RASAL2: variants seen among roughly 807,000 people sequenced by gnomAD.
RASAL2 encodes the protein RAS protein activator like 2.
RASAL2 carries 58 observed loss-of-function variants against 128.9 expected under a neutral mutation model. The observed-to-expected ratio is 0.45, with a 90% CI of 0.36 to 0.56. The LOEUF is 0.56. Ranked by LOEUF, RASAL2 falls within the 20% of genes least tolerant of loss-of-function variation. The pLI, the probability that RASAL2 is intolerant of heterozygous loss-of-function variation, is 0.00. For synonymous variants in RASAL2, 561 were observed against 580.8 expected (o/e 0.97, Z 0.49); for missense variants, 1,360 against 1,601.6 (o/e 0.85, Z 2.57).
intron 1 of RASAL2, among the ~76,000 whole-genome samples, chr1:178,159,727 G>A (rs1255420038): frequency 6.6e-6 from 1 of 152,062 alleles, no homozygotes; most frequent in Non-Finnish European, 1.5e-5. Flanking sequence ...TTGGAAGTTT[G>A]AGACCAGCCT....
At chr1:178,401,782 G>C (rs1034029193) in intron 4 of RASAL2, among the ~76,000 whole-genome samples, 6 of 152,224 alleles carry the variant, frequency 3.9e-5, no homozygotes, top group Non-Finnish European at 7.3e-5. Context: ...TGCAGTCAGT[G>C]AGACTGTTAC....
intron 1 of RASAL2, among the ~76,000 whole-genome samples, chr1:178,272,622 T>C (rs143744885): frequency 1.3e-5 from 2 of 152,264 alleles, no homozygotes; most frequent in African/African-American, 4.8e-5. Flanking sequence ...TATATTTTCT[T>C]TTCTCAATTA....
intron 5 of RASAL2, among the ~76,000 whole-genome samples, chr1:178,427,983 TTTA>T (rs1208157104): frequency 6.6e-6 from 1 of 152,072 alleles, no homozygotes; most frequent in African/African-American, 2.4e-5. Flanking sequence ...TCTCTATCGC[TTTA>T]TTATTTTAAG....
intron 7 of RASAL2, 27 bp downstream of exon 7, chr1:178,441,674 A>AC: frequency 1.3e-6 from 2 of 1,546,110 alleles, no homozygotes; most frequent in Non-Finnish European, 1.8e-6. Context: ...GTATCTAAAA[A>AC]ATGTATAACT....
intron 3 of RASAL2, among the ~76,000 whole-genome samples, chr1:178,371,009 C>G (rs1004083347): frequency 2.6e-5 from 4 of 151,900 alleles, no homozygotes; most frequent in African/African-American, 4.8e-5. Flanking sequence ...AAAAAAAGCT[C>G]TATCTTTTAT....
At chr1:178,255,650 A>T (rs12065186) in intron 1 of RASAL2, among the ~76,000 whole-genome samples, 16,481 of 152,118 alleles carry the variant, frequency 0.11, 1,119 homozygotes, top group African/African-American at 0.19. Flanking sequence ...TTCTAGTGAG[A>T]TATGTATGGT....
Position 178,372,793 on chromosome 1 carries a change from T to C in RASAL2, c.458-17307T>C, listed in dbSNP as rs554028811. 1.1e-4 allele frequency among the ~76,000 whole-genome samples: 16 copies of C among 152,286 alleles called. No homozygotes were observed. The South Asian group carries it at 3.3e-3, about 32-fold the overall frequency. ...ATGCTTATATATGATTTCTACTGAC[T>C]ACATAAAATAGGACACATGGACCTC... On this transcript the variant is annotated intron_variant, in intron 3 of 17. Coordinates refer to ENST00000367649, the MANE Select transcript of RASAL2 (RefSeq NM_170692.4).
In RASAL2 at chr1:178,094,286, CG is replaced by C; in HGVS notation, c.-206del. 1 of 549,456 alleles carries C rather than the reference CG, an allele frequency of 1.8e-6. No homozygotes were observed. Among genetic ancestry groups the C allele is most frequent in the Non-Finnish European group, 3.1e-6 (1 of 319,728 alleles). 34.0% of individuals were successfully genotyped at this position (549,456 alleles called of 1,614,324 possible). A position where few individuals can be genotyped will look rare whatever the true frequency, so the allele number is the denominator to read the frequency against. Reference sequence around the variant, plus strand: ...TGGATCCTCCTCCCGGCCTGGGTCCCGCCCGCCGACTGCAGGTGGGCTGCAT... The same window carrying C: ...TGGATCCTCCTCCCGGCCTGGGTCCCCCCGCCGACTGCAGGTGGGCTGCAT... On this transcript the variant is annotated 5_prime_UTR_variant, in exon 1 of 18. Transcript: ENST00000367649.
At position 178,457,684 on chromosome 1, in the gene RASAL2, G is replaced by A. The variant is rs1281123054; in HGVS notation, c.2392G>A (p.Asp798Asn). The A allele has an allele frequency of 1.9e-6, 3 of 1,611,970 alleles. No homozygotes were observed. Among genetic ancestry groups the A allele is most frequent in the Non-Finnish European group, 2.5e-6 (3 of 1,178,674 alleles). ...QKIFEDPTDSDLHKLKSPSQD... is the reference protein window; with the variant it reads ...QKIFEDPTDSNLHKLKSPSQD... ...TAAGTGTCCTTTCCTTTTCCACAGT[G>A]ATTTGCATAAACTAAAATCTCCAAG... is the stretch of plus-strand genomic sequence containing the variant. The change falls in exon 14 of 18, where the codon GAT becomes AAT. Residue 798 changes from aspartate (D) to asparagine (N), a missense_variant and splice_region_variant. Coordinates refer to ENST00000367649, the MANE Select transcript of RASAL2 (RefSeq NM_170692.4).
intron 12 of RASAL2, 58 bp downstream of exon 12, chr1:178,454,706 C>A: frequency 6.8e-7 from 1 of 1,470,888 alleles, no homozygotes; most frequent in Non-Finnish European, 9.5e-7. Flanking sequence ...TGGAAAGTAA[C>A]TATAGAGTGA....
intron 3 of RASAL2, among the ~76,000 whole-genome samples, chr1:178,337,594 C>T (rs893822542): frequency 7.2e-5 from 11 of 152,098 alleles, no homozygotes; most frequent in African/African-American, 2.4e-4. Flanking sequence ...GCTCAAGAGC[C>T]AGCACACTTA....
In RASAL2 at chr1:178,195,728, A is replaced by G. The variant is rs1370522055; in HGVS notation, c.203-87836A>G. ...AATCATTTTTTATGACATCAGAACT[A>G]AACAGAATTACTCATCAAACTATAC... is the stretch of plus-strand genomic sequence containing the variant. On this transcript the variant is annotated intron_variant, in intron 1 of 17. Transcript: ENST00000367649. Among the ~76,000 whole-genome samples, 4 of 152,318 alleles carry G rather than the reference A, an allele frequency of 2.6e-5. No homozygotes were observed. In the East Asian group the frequency reaches 7.7e-4, roughly 29 times the overall value.
intron 1 of RASAL2, among the ~76,000 whole-genome samples, chr1:178,098,368 A>G (rs189474027): frequency 6.6e-6 from 1 of 152,400 alleles, no homozygotes; most frequent in Admixed American, 6.5e-5. Flanking sequence ...CATCAAATGC[A>G]GAACATTTTT....
chr1:178,415,099 G>T (rs1338621300), intron 4 of RASAL2, among the ~76,000 whole-genome samples: 1 of 151,692 alleles, frequency 6.6e-6, no homozygotes, highest in African/African-American at 2.4e-5. Flanking sequence ...TTTATTTCTT[G>T]TGTTTGCTTT....
intron 5 of RASAL2, among the ~76,000 whole-genome samples, chr1:178,427,512 G>A (rs1336056706): frequency 6.6e-6 from 1 of 152,094 alleles, no homozygotes; most frequent in East Asian, 1.9e-4. Context: ...AGTAAGTATG[G>A]TGTTCATTGG....
intron 1 of RASAL2, among the ~76,000 whole-genome samples, chr1:178,164,929 G>A (rs965334967): frequency 6.7e-6 from 1 of 148,208 alleles, no homozygotes; most frequent in Non-Finnish European, 1.5e-5. Context: ...GTATGTATTG[G>A]AAAAAAACAA....
intron 2 of RASAL2, among the ~76,000 whole-genome samples, chr1:178,289,107 T>C (rs1308846508): frequency 1.3e-5 from 2 of 152,206 alleles, no homozygotes; most frequent in Non-Finnish European, 2.9e-5. Flanking sequence ...TCAGCCAGAC[T>C]CTTACCCACA....
In RASAL2 at chr1:178,478,163, T is replaced by TA. The variant is rs1201945928; in HGVS notation, c.*4925dup. On this transcript the variant is annotated 3_prime_UTR_variant, in exon 18 of 18. Transcript: ENST00000367649. ...CTAGGAAGTTTTTTGTTTTTTTTTTTAGTTTGAGACTTAAAACCAGATTTA... is the reference window on the plus strand; with the variant it reads ...CTAGGAAGTTTTTTGTTTTTTTTTTTAAGTTTGAGACTTAAAACCAGATTTA... The TA allele has an allele frequency of 1.3e-5, 2 of 152,108 alleles. No individual in the cohort carries two copies. Among genetic ancestry groups the TA allele is most frequent in the African/African-American group, 2.4e-5 (1 of 41,422 alleles). 9.4% of individuals were successfully genotyped at this position (152,108 alleles called of 1,614,324 possible).
chr1:178,339,933 C>T lies in RASAL2; in HGVS notation c.457+39815C>T, dbSNP rs141142913. 2.1e-4 allele frequency among the ~76,000 whole-genome samples: 32 copies of T among 152,188 alleles called. No individual in the cohort carries two copies. The East Asian group carries it at 5.8e-3, about 28-fold the overall frequency. On this transcript the variant is annotated intron_variant, in intron 3 of 17. Coordinates refer to ENST00000367649, the MANE Select transcript of RASAL2 (RefSeq NM_170692.4). ...ACTAGATGATTTTAAAGATCTCTTC[C>T]GGTTCTGGGATTTCATGACCTTATA...
Sources: gnomAD v4.1 joint callset for allele counts (sites outside exome capture counted in the v4.1 genomes callset) on GRCh38, gnomAD v4.1.1 for gene constraint, MANE v1.5 for transcripts, NCBI Gene and HGNC (gene_info 2026-07-23, HGNC 2026-07-21) for gene names.